RNF185: variants seen among roughly 807,000 people sequenced by gnomAD.
The protein encoded by RNF185 is ring finger protein 185.
RNF185 carries 13 observed loss-of-function variants against 24.9 expected under a neutral mutation model. The ratio of observed to expected loss-of-function variants is 0.52; its 90% CI spans 0.34 to 0.83. The LOEUF is 0.83. Among genes scored for constraint, RNF185 ranks in the 40% least tolerant of loss-of-function variants. The pLI is 0.01. For missense variants in RNF185, 184 were observed against 244.7 expected (o/e 0.75, Z 1.65); for synonymous variants, 79 against 90.3 (o/e 0.88, Z 0.71).
Position 31,204,770 on chromosome 22 carries a change from T to G in RNF185, c.*184T>G, listed in dbSNP as rs1188375485. ...AGACCAGTTGGCGATGACCCCTGAA[T>G]ATCGCCACCGCTGTAAACACTCTAT... On this transcript the variant is annotated 3_prime_UTR_variant, in exon 7 of 7. Coordinates refer to ENST00000326132, the MANE Select transcript of RNF185 (RefSeq NM_152267.4). 1 of 581,794 alleles carries G rather than the reference T, an allele frequency of 1.7e-6. No individual in the cohort carries two copies. The highest frequency in any genetic ancestry group is 3.1e-6 in the Non-Finnish European group (1 of 321,126). 36.0% of individuals were successfully genotyped at this position (581,794 alleles called of 1,614,324 possible).
In RNF185 at chr22:31,169,034, C is replaced by T. The variant is rs565314910; in HGVS notation, c.-49+8731C>T. Among the ~76,000 whole-genome samples, 254 of 152,044 alleles carry T rather than the reference C, an allele frequency of 1.7e-3. 1 individual carries two copies. Among genetic ancestry groups the T allele is most frequent in the Non-Finnish European group, 3.2e-3 (219 of 67,970 alleles). On this transcript the variant is annotated intron_variant, in intron 1 of 6. Coordinates refer to ENST00000326132, the MANE Select transcript of RNF185 (RefSeq NM_152267.4). ...GCAATTATCTTGCCTCAGCCTCGCA[C>T]GTAGCTGGAAGTACAGGCGTGTGCC...
intron 1 of RNF185, among the ~76,000 whole-genome samples, chr22:31,183,971 G>A (rs1252347784): frequency 1.2e-3 from 1 of 812 alleles, no homozygotes; most frequent in Admixed American, 0.013. Context: ...TCCAGGCGGG[G>A]GCTGCCCCGA....
chr22:31,201,718 C>T, intron 6 of RNF185, 103 bp downstream of exon 6: 1 of 786,846 alleles, frequency 1.3e-6, no homozygotes, highest in South Asian at 1.6e-5. Flanking sequence ...ATTGTCACTA[C>T]ATGGATAATC....
intron 1 of RNF185, among the ~76,000 whole-genome samples, chr22:31,167,888 T>C (rs969145794): frequency 4.6e-5 from 7 of 152,108 alleles, no homozygotes; most frequent in South Asian, 2.1e-4. Flanking sequence ...GCTGGGATTA[T>C]AGGCATGAGC....
At chr22:31,203,090 G>A (rs1376053936) in intron 6 of RNF185, among the ~76,000 whole-genome samples, 1 of 152,188 alleles carries the variant, frequency 6.6e-6, no homozygotes, top group Non-Finnish European at 1.5e-5. Flanking sequence ...CCTGGTCGAA[G>A]GCTAACCTTG....
chr22:31,177,096 G>A (rs2047990241), intron 1 of RNF185, among the ~76,000 whole-genome samples: 1 of 152,064 alleles, frequency 6.6e-6, no homozygotes, highest in South Asian at 2.1e-4. Flanking sequence ...GCCTTACCAT[G>A]AATTATGCAC....
chr22:31,165,199 T>C (rs1361708126), intron 1 of RNF185, among the ~76,000 whole-genome samples: 1 of 152,148 alleles, frequency 6.6e-6, no homozygotes, highest in East Asian at 1.9e-4. Context: ...ATTACAGGTG[T>C]GAGCCACTGC....
chr22:31,166,305 A>T (rs1375647021), intron 1 of RNF185, among the ~76,000 whole-genome samples: 1 of 151,866 alleles, frequency 6.6e-6, no homozygotes, highest in Non-Finnish European at 1.5e-5. Context: ...TGCTCATTTT[A>T]GACATTTTGG....
intron 1 of RNF185, among the ~76,000 whole-genome samples, chr22:31,180,508 C>T (rs1257258291): frequency 2.0e-5 from 3 of 148,906 alleles, no homozygotes; most frequent in Admixed American, 6.8e-5. Flanking sequence ...GTATGTTCTT[C>T]CACATTGTTA....
At chr22:31,186,642 A>G (rs955940034) in intron 1 of RNF185, among the ~76,000 whole-genome samples, 3 of 152,206 alleles carry the variant, frequency 2.0e-5, no homozygotes, top group South Asian at 2.1e-4. Flanking sequence ...GACAATCACA[A>G]CCTTCCTGCC....
chr22:31,195,648 T>C, intron 4 of RNF185, 67 bp downstream of exon 4: 1 of 982,974 alleles, frequency 1.0e-6, no homozygotes, highest in Admixed American at 2.1e-5. Context: ...CCATTCAGCA[T>C]CCCCTAACCC....
chr22:31,172,258 C>T (rs529803196), intron 1 of RNF185, among the ~76,000 whole-genome samples: 4 of 152,062 alleles, frequency 2.6e-5, no homozygotes, highest in Admixed American at 1.3e-4. Context: ...GAGGCTGAGG[C>T]GGGCAGATCA....
intron 1 of RNF185, among the ~76,000 whole-genome samples, chr22:31,184,619 G>A (rs1321155013): frequency 6.6e-6 from 1 of 152,184 alleles, no homozygotes; most frequent in Non-Finnish European, 1.5e-5. Context: ...ACTCCAGCCT[G>A]GGCAACATTG....
chr22:31,161,545 T>A (rs1010383766), intron 1 of RNF185, among the ~76,000 whole-genome samples: 2 of 152,244 alleles, frequency 1.3e-5, no homozygotes, highest in African/African-American at 2.4e-5. Flanking sequence ...GTTTATTGAA[T>A]GAATAAGTAA....
intron 2 of RNF185, among the ~76,000 whole-genome samples, chr22:31,188,324 C>T (rs1317027894): frequency 5.9e-5 from 9 of 152,094 alleles, no homozygotes; most frequent in Admixed American, 5.9e-4. Context: ...TAGAATGGAG[C>T]AGAGATTTTT....
intron 1 of RNF185, among the ~76,000 whole-genome samples, chr22:31,185,995 C>G (rs1432252001): frequency 6.6e-6 from 1 of 152,074 alleles, no homozygotes; most frequent in Non-Finnish European, 1.5e-5. Flanking sequence ...TCAAGATTGT[C>G]CAAAACATAG....
chr22:31,174,528 C>G (rs939125733), intron 1 of RNF185, among the ~76,000 whole-genome samples: 1 of 152,020 alleles, frequency 6.6e-6, no homozygotes, highest in Admixed American at 6.6e-5. Flanking sequence ...TACAGGCACA[C>G]GCCACCATAC....
At chr22:31,193,016 A>G in intron 3 of RNF185, among the ~76,000 whole-genome samples, 1 of 152,202 alleles carries the variant, frequency 6.6e-6, no homozygotes, top group Non-Finnish European at 1.5e-5. Context: ...GCCTCCTATC[A>G]TATCAACAGT....
intron 1 of RNF185, among the ~76,000 whole-genome samples, chr22:31,165,085 T>C (rs953488873): frequency 7.8e-6 from 1 of 127,878 alleles, no homozygotes; most frequent in African/African-American, 3.2e-5. Flanking sequence ...TAATTTTGTA[T>C]TTTTTTTTTT....
Sources: allele counts gnomAD v4.1 joint callset (sites outside exome capture counted in the v4.1 genomes callset), GRCh38; gene constraint gnomAD v4.1.1; transcripts MANE v1.5; gene names NCBI Gene and HGNC (gene_info 2026-07-23, HGNC 2026-07-21).